Variants in CAPZA1 observed in about 807,000 individuals in gnomAD.
The protein encoded by CAPZA1 is F-actin-capping protein subunit alpha-1.
A neutral mutation model predicts 40.8 loss-of-function variants in CAPZA1; 10 were observed. The ratio of observed to expected loss-of-function variants is 0.25; its 90% CI spans 0.15 to 0.42. The LOEUF (loss-of-function observed/expected upper bound fraction) is 0.42, where lower values mean the gene tolerates loss of function less well. Ranked by LOEUF, CAPZA1 falls within the 10% of genes least tolerant of loss-of-function variation. CAPZA1 has a pLI of 1.00. For missense variants in CAPZA1, 277 were observed against 353.8 expected (o/e 0.78, Z 1.74); for synonymous variants, 98 against 115.0 (o/e 0.85, Z 0.95).
At chr1:112,638,047 G>T (rs1279572968) in intron 1 of CAPZA1, among the ~76,000 whole-genome samples, 2 of 152,136 alleles carry the variant, frequency 1.3e-5, no homozygotes, top group Non-Finnish European at 2.9e-5. Flanking sequence ...CAAATTCCTT[G>T]AAGAAAAATA....
At chr1:112,669,375 T>G (rs1329231267) in intron 8 of CAPZA1, among the ~76,000 whole-genome samples, 168 bp from the exon 9 acceptor site, 2 of 152,208 alleles carry the variant, frequency 1.3e-5, no homozygotes. Context: ...TAACATAGTG[T>G]CTTCCATAGA....
chr1:112,640,187 T>G (rs1570709173), intron 1 of CAPZA1, among the ~76,000 whole-genome samples: 1 of 83,422 alleles, frequency 1.2e-5, no homozygotes, highest in African/African-American at 4.9e-5. Flanking sequence ...GGGAGGGAGG[T>G]GGGGGGGTCA....
chr1:112,654,749 A>T (rs920886680), intron 5 of CAPZA1, 78 bp downstream of exon 5: 1 of 908,044 alleles, frequency 1.1e-6, no homozygotes, highest in African/African-American at 1.7e-5. Flanking sequence ...TGGCCTACCA[A>T]ACATCCCTAC....
rs1410579429 is a variant in CAPZA1 at position 112,619,937 on chromosome 1, C to T, written c.39+54C>T. 25 of 1,472,886 alleles carry T rather than the reference C, an allele frequency of 1.7e-5. No homozygotes were observed. In the Admixed American group the frequency reaches 1.9e-4, roughly 11 times the overall value. The allele number at this position is 1,472,886 out of a possible 1,614,324, so 91.2% of individuals were successfully genotyped here. A position where few individuals can be genotyped will look rare whatever the true frequency, so the allele number is the denominator to read the frequency against. On this transcript the variant is annotated intron_variant, in intron 1 of 9. Coordinates refer to ENST00000263168, the MANE Select transcript of CAPZA1 (RefSeq NM_006135.3). ...CCTCCCCCGACAGGGAACTGGGGCC[C>T]GGCCCGGCTGCGTTGGGAGCCTAGC...
intron 1 of CAPZA1, among the ~76,000 whole-genome samples, chr1:112,626,709 CCTTT>C (rs1216156861): frequency 2.0e-5 from 3 of 152,170 alleles, no homozygotes; most frequent in Admixed American, 6.5e-5. Context: ...TCAGGCCTCT[CCTTT>C]CTTTATACAT....
chr1:112,659,716 A>T lies in CAPZA1; in HGVS notation c.522A>T (p.Arg174Ser). The change falls in exon 7 of 10, where the codon AGA becomes AGT. Residue 174 changes from arginine (R) to serine (S), a missense_variant. Around this residue, in one of 2 missense-constraint regions of CAPZA1, gnomAD observed 192 missense variants for 277.2 expected, o/e 0.69. Coordinates refer to ENST00000263168, the MANE Select transcript of CAPZA1 (RefSeq NM_006135.3). ...GTTTTAATAGGAATGGTCGTTGGAG[A>T]TCAGAGTGGAAGTTCACCATCACAC... is the stretch of plus-strand genomic sequence containing the variant. ...QPKNFWNGRW[R>S]SEWKFTITPP... The T allele has an allele frequency of 5.0e-6, 8 of 1,612,828 alleles. No homozygotes were observed. Among genetic ancestry groups the T allele is most frequent in the Non-Finnish European group, 5.9e-6 (7 of 1,179,812 alleles).
chr1:112,666,053 G>T (rs1479323435), intron 7 of CAPZA1, among the ~76,000 whole-genome samples: 3 of 152,034 alleles, frequency 2.0e-5, no homozygotes, highest in African/African-American at 7.2e-5. Flanking sequence ...GCCCAGGCTG[G>T]TCTTAAACTT....
intron 1 of CAPZA1, among the ~76,000 whole-genome samples, chr1:112,640,936 T>C (rs1053305355): frequency 8.5e-5 from 13 of 152,152 alleles, no homozygotes; most frequent in African/African-American, 2.9e-4. Flanking sequence ...AACCCTGTGC[T>C]CTCTGAAACA....
chr1:112,666,225 T>C (rs904484174), intron 7 of CAPZA1, among the ~76,000 whole-genome samples: 1 of 152,256 alleles, frequency 6.6e-6, no homozygotes, highest in Admixed American at 6.5e-5. Flanking sequence ...AGTTCTTTGT[T>C]CTTCTCCAAA....
intron 1 of CAPZA1, among the ~76,000 whole-genome samples, chr1:112,630,267 G>A (rs959677124): frequency 6.6e-6 from 1 of 151,984 alleles, no homozygotes; most frequent in Non-Finnish European, 1.5e-5. Context: ...AAACTCCTGG[G>A]ATTACAGGCA....
rs550913781 is a variant in CAPZA1 at position 112,630,578 on chromosome 1, C to T, written c.39+10695C>T. Among the ~76,000 whole-genome samples, 11 of 152,144 alleles carry T rather than the reference C, an allele frequency of 7.2e-5. No individual in the cohort carries two copies. In the South Asian group the frequency reaches 1.7e-3, roughly 23 times the overall value. On this transcript the variant is annotated intron_variant, in intron 1 of 9. Transcript: ENST00000263168. ...CAGACTGATCTTGAACTCCTGACCTCGTGATGCACCCACCTCGTCCTCCCT... is the reference window on the plus strand; with the variant it reads ...CAGACTGATCTTGAACTCCTGACCTTGTGATGCACCCACCTCGTCCTCCCT...
At chr1:112,665,181 T>TTC (rs1671700820) in intron 7 of CAPZA1, among the ~76,000 whole-genome samples, 1 of 147,784 alleles carries the variant, frequency 6.8e-6, no homozygotes, top group East Asian at 2.0e-4. Flanking sequence ...TTTTTGTGTT[T>TTC]TTTTTTTTTT....
intron 1 of CAPZA1, among the ~76,000 whole-genome samples, chr1:112,637,431 A>G (rs922118717): frequency 6.6e-6 from 1 of 152,228 alleles, no homozygotes; most frequent in Non-Finnish European, 1.5e-5. Flanking sequence ...CCAGTCCACC[A>G]TCTGTTTTTG....
chr1:112,645,166 C>A (rs1199298015), intron 1 of CAPZA1, among the ~76,000 whole-genome samples: 1 of 152,202 alleles, frequency 6.6e-6, no homozygotes, highest in African/African-American at 2.4e-5. Flanking sequence ...TCTACTCTTT[C>A]CCTCCCCTGT....
At chr1:112,668,524 G>A (rs565750440) in intron 8 of CAPZA1, among the ~76,000 whole-genome samples, 153 of 152,126 alleles carry the variant, frequency 1.0e-3, no homozygotes, top group African/African-American at 3.3e-3. Context: ...ATGAAGTTTC[G>A]CTCTTGTTGC....
At chr1:112,659,418 T>C (rs943270662) in intron 6 of CAPZA1, 6 of 525,278 alleles carry the variant, frequency 1.1e-5, no homozygotes, top group African/African-American at 1.1e-4. Flanking sequence ...TGGAAGAGCC[T>C]CCCATGAGCA....
intron 1 of CAPZA1, among the ~76,000 whole-genome samples, chr1:112,624,094 A>T (rs1391832135): frequency 6.6e-6 from 1 of 151,962 alleles, no homozygotes; most frequent in East Asian, 1.9e-4. Flanking sequence ...TCACATGTCC[A>T]GTCTTGTTAG....
At chr1:112,660,552 T>G (rs1429572551) in intron 7 of CAPZA1, among the ~76,000 whole-genome samples, 1 of 152,130 alleles carries the variant, frequency 6.6e-6, no homozygotes, top group East Asian at 1.9e-4. Flanking sequence ...AATGCTGGGA[T>G]TACAGGCGTG....
intron 1 of CAPZA1, among the ~76,000 whole-genome samples, chr1:112,630,573 G>A (rs1557727248): frequency 6.6e-6 from 1 of 151,994 alleles, no homozygotes; most frequent in Admixed American, 6.6e-5. Flanking sequence ...TTGAACTCCT[G>A]ACCTCGTGAT....
Sources: gnomAD v4.1 joint callset for allele counts (sites outside exome capture counted in the v4.1 genomes callset) on GRCh38, gnomAD v4.1.1 for gene constraint, gnomAD v4.1.1 regional missense constraint, MANE v1.5 for transcripts, NCBI Gene and HGNC (gene_info 2026-07-23, HGNC 2026-07-21) for gene names.